NXPH1: variants seen among roughly 807,000 people sequenced by gnomAD.
NXPH1 encodes neurexophilin-1.
NXPH1 carries 5 observed loss-of-function variants against 23.7 expected under a neutral mutation model. The ratio of observed to expected loss-of-function variants is 0.21; its 90% CI spans 0.11 to 0.44. NXPH1 has a LOEUF of 0.44. Ranked by LOEUF, NXPH1 falls within the 20% of genes least tolerant of loss-of-function variation. The probability of loss-of-function intolerance (pLI) is 0.99; values close to 1 mark genes in which losing one functional copy is unlikely to be tolerated. For synonymous variants in NXPH1, 144 were observed against 122.2 expected (o/e 1.18, Z -1.18); for missense variants, 324 against 321.6 (o/e 1.01, Z -0.06).
chr7:8,576,918 T>C (rs1818766095), intron 2 of NXPH1, among the ~76,000 whole-genome samples: 2 of 152,250 alleles, frequency 1.3e-5, no homozygotes, highest in South Asian at 4.2e-4. Context: ...AAAATTCTCT[T>C]TTTACTCTGA....
intron 2 of NXPH1, among the ~76,000 whole-genome samples, chr7:8,607,928 T>G (rs1819530747): frequency 6.6e-6 from 1 of 152,190 alleles, no homozygotes; most frequent in Admixed American, 6.5e-5. Context: ...CACACATACC[T>G]AGGGAAAATG....
Position 8,730,474 on chromosome 7 carries a change from G to T in NXPH1, c.55-20534G>T, listed in dbSNP as rs532280081. 9.4e-3 allele frequency among the ~76,000 whole-genome samples: 1,426 copies of T among 152,096 alleles called. 18 individuals are homozygous for T. The highest frequency in any genetic ancestry group is 0.032 in the African/African-American group (1,314 of 41,470). ...ATTTTGGCATGATTTTGCAGCAGCT[G>T]GTACCGGTTGTTCCTTTCCATGTTT... On this transcript the variant is annotated intron_variant, in intron 2 of 2. Coordinates refer to ENST00000405863, the MANE Select transcript of NXPH1 (RefSeq NM_152745.3).
intron 2 of NXPH1, among the ~76,000 whole-genome samples, chr7:8,687,744 G>A (rs985995329): frequency 1.3e-5 from 2 of 152,138 alleles, no homozygotes; most frequent in African/African-American, 4.8e-5. Context: ...TCACCTCATT[G>A]AGTGCTGGTA....
chr7:8,545,730 T>C (rs1204075072), intron 2 of NXPH1, among the ~76,000 whole-genome samples: 2 of 151,542 alleles, frequency 1.3e-5, no homozygotes, highest in Non-Finnish European at 3.0e-5. Context: ...TATCAACTGC[T>C]TAGACTCCAG....
At chr7:8,621,083 A>T (rs1214818806) in intron 2 of NXPH1, among the ~76,000 whole-genome samples, 1 of 152,194 alleles carries the variant, frequency 6.6e-6, no homozygotes, top group African/African-American at 2.4e-5. Flanking sequence ...TTTATAATTT[A>T]GTTGGTAGAA....
intron 2 of NXPH1, among the ~76,000 whole-genome samples, chr7:8,539,341 C>T (rs542713541): frequency 6.6e-6 from 1 of 151,890 alleles, no homozygotes; most frequent in South Asian, 2.1e-4. Flanking sequence ...GAGAATAGGA[C>T]ATGGGGAGTT....
At chr7:8,474,779 A>C (rs142661288) in intron 2 of NXPH1, among the ~76,000 whole-genome samples, 2 of 151,866 alleles carry the variant, frequency 1.3e-5, no homozygotes, top group East Asian at 1.9e-4. Context: ...CTTTTTTCCA[A>C]CCTCACTTTT....
intron 2 of NXPH1, among the ~76,000 whole-genome samples, chr7:8,665,545 T>A (rs1820746893): frequency 6.6e-6 from 1 of 152,034 alleles, no homozygotes; most frequent in African/African-American, 2.4e-5. Flanking sequence ...TTTTTTCTAT[T>A]TCTGGGAAAA....
intron 2 of NXPH1, among the ~76,000 whole-genome samples, chr7:8,627,319 G>A (rs530404366): frequency 2.0e-5 from 3 of 152,236 alleles, no homozygotes; most frequent in African/African-American, 7.2e-5. Context: ...TAGAAATTAA[G>A]GCCATATATA....
intron 2 of NXPH1, among the ~76,000 whole-genome samples, chr7:8,632,182 A>T (rs1820146011): frequency 6.6e-6 from 1 of 152,112 alleles, no homozygotes; most frequent in Non-Finnish European, 1.5e-5. Context: ...TAATAATTAA[A>T]ATTTTCTTCC....
At chr7:8,579,741 C>T (rs1156561623) in intron 2 of NXPH1, among the ~76,000 whole-genome samples, 1 of 152,220 alleles carries the variant, frequency 6.6e-6, no homozygotes, top group Non-Finnish European at 1.5e-5. Context: ...ATTTAAATCA[C>T]ATGATTGTTC....
intron 2 of NXPH1, among the ~76,000 whole-genome samples, chr7:8,697,231 G>A (rs1415053131): frequency 6.6e-6 from 1 of 151,852 alleles, no homozygotes; most frequent in South Asian, 2.1e-4. Context: ...GTAGACTGTG[G>A]TGCCAAGAGT....
chr7:8,493,168 C>G (rs1004376653), intron 2 of NXPH1, among the ~76,000 whole-genome samples: 9 of 151,794 alleles, frequency 5.9e-5, no homozygotes, highest in Admixed American at 3.9e-4. Context: ...TTTGCCATTG[C>G]CAGGGTTATA....
intron 2 of NXPH1, among the ~76,000 whole-genome samples, chr7:8,550,142 A>G (rs1345283518): frequency 2.6e-5 from 4 of 151,630 alleles, no homozygotes; most frequent in Admixed American, 1.3e-4. Context: ...AAGCAGGAAT[A>G]GTACAAGCTT....
intron 2 of NXPH1, among the ~76,000 whole-genome samples, chr7:8,492,639 C>A (rs559433939): frequency 5.3e-5 from 8 of 152,036 alleles, no homozygotes; most frequent in African/African-American, 1.7e-4. Context: ...ATATGTTATA[C>A]ACATGGAAGA....
At chr7:8,516,654 T>C (rs1223266261) in intron 2 of NXPH1, among the ~76,000 whole-genome samples, 2 of 152,112 alleles carry the variant, frequency 1.3e-5, no homozygotes, top group African/African-American at 4.8e-5. Context: ...TTCATCTAAG[T>C]TATTCTTGCC....
chr7:8,706,525 T>C (rs1324024428), intron 2 of NXPH1, among the ~76,000 whole-genome samples: 1 of 152,194 alleles, frequency 6.6e-6, no homozygotes. Flanking sequence ...TGTTGCATTC[T>C]ATGTAAATGT....
intron 2 of NXPH1, among the ~76,000 whole-genome samples, chr7:8,473,876 C>G (rs1816915750): frequency 6.6e-6 from 1 of 152,054 alleles, no homozygotes; most frequent in African/African-American, 2.4e-5. Flanking sequence ...TCAGCTTGGG[C>G]AGGATGTCAT....
At chr7:8,508,206 C>A (rs1817561185) in intron 2 of NXPH1, among the ~76,000 whole-genome samples, 2 of 152,072 alleles carry the variant, frequency 1.3e-5, no homozygotes, top group African/African-American at 4.8e-5. Context: ...GCAACAAAAT[C>A]ATAATTAGAT....
Sources: allele counts gnomAD v4.1 joint callset (sites outside exome capture counted in the v4.1 genomes callset), GRCh38; gene constraint gnomAD v4.1.1; transcripts MANE v1.5; gene names NCBI Gene and HGNC (gene_info 2026-07-23, HGNC 2026-07-21).